DLG2: variants seen among roughly 807,000 people sequenced by gnomAD.
DLG2 encodes discs large MAGUK scaffold protein 2, also known as disks large homolog 2.
Under a neutral mutation model 132.5 loss-of-function variants are expected in DLG2, and 45 were observed. The ratio of observed to expected loss-of-function variants is 0.34; its 90% CI spans 0.27 to 0.44. The LOEUF (loss-of-function observed/expected upper bound fraction) is 0.44, where lower values mean the gene tolerates loss of function less well. Among genes scored for constraint, DLG2 ranks in the 20% least tolerant of loss-of-function variants. The pLI, the probability that DLG2 is intolerant of heterozygous loss-of-function variation, is 1.00. For missense variants in DLG2, 1,045 were observed against 1,196.9 expected, an observed-to-expected ratio of 0.87 and a Z score of 1.87; for synonymous variants, 424 against 419.6, an observed-to-expected ratio of 1.01 and a Z score of -0.13.
intron 6 of DLG2, among the ~76,000 whole-genome samples, chr11:84,830,298 G>T (rs575283472): frequency 3.1e-4 from 47 of 151,238 alleles, no homozygotes; most frequent in African/African-American, 1.1e-3. Flanking sequence ...GAATAAAAAT[G>T]TAGGGGGTCT....
At chr11:84,045,348 G>A (rs1417897239) in intron 11 of DLG2, among the ~76,000 whole-genome samples, 1 of 151,650 alleles carries the variant, frequency 6.6e-6, no homozygotes, top group Non-Finnish European at 1.5e-5. Flanking sequence ...GAATTGCTGA[G>A]TCACTACTGA....
chr11:84,180,023 C>T (rs1596766218), intron 8 of DLG2, among the ~76,000 whole-genome samples: 1 of 152,046 alleles, frequency 6.6e-6, no homozygotes, highest in Non-Finnish European at 1.5e-5. Context: ...AATGACCAGG[C>T]ATACTAAAAA....
At position 83,786,731 on chromosome 11, in the gene DLG2, G is replaced by T; in HGVS notation, c.1784C>A (p.Ala595Asp). Residue 595 changes from alanine (A) to aspartate (D), a missense_variant, in exon 18 of 28, where the codon GCT becomes GAT. Transcript: ENST00000376104. ...HEQAAAALKG[A>D]GQTVTIIAQY... ...TGCTATAATCGTCACTGTCTGTCCA[G>T]CCCCCTTTAGTGCAGCAGCTGCCTG... 1 of 1,614,112 alleles carries T rather than the reference G, an allele frequency of 6.2e-7. No individual in the cohort carries two copies. The highest frequency in any genetic ancestry group is 1.1e-5 in the South Asian group (1 of 91,076).
chr11:84,134,921 G>A (rs991911001), intron 9 of DLG2, among the ~76,000 whole-genome samples: 3 of 151,844 alleles, frequency 2.0e-5, no homozygotes, highest in African/African-American at 2.4e-5. Context: ...AGGGGTGAAG[G>A]GCAATGATCA....
At chr11:84,393,677 A>T (rs1220069485) in intron 7 of DLG2, among the ~76,000 whole-genome samples, 3 of 150,760 alleles carry the variant, frequency 2.0e-5, no homozygotes, top group African/African-American at 7.5e-5. Context: ...AATTTGCCCA[A>T]ACTGTTTTGT....
chr11:84,193,810 T>C (rs910152085), intron 8 of DLG2, among the ~76,000 whole-genome samples: 1 of 152,242 alleles, frequency 6.6e-6, no homozygotes, highest in African/African-American at 2.4e-5. Flanking sequence ...GTGTCCCTAC[T>C]GAAGCTTGTA....
chr11:85,165,019 C>A (rs534808866), intron 4 of DLG2, among the ~76,000 whole-genome samples: 2 of 152,156 alleles, frequency 1.3e-5, no homozygotes. Context: ...GTCTGTGCTT[C>A]GATGAGCTCT....
chr11:84,166,853 A>G, intron 8 of DLG2: 1 of 517,756 alleles, frequency 1.9e-6, no homozygotes. Context: ...AATATTCCCA[A>G]TCAGGTTATC....
intron 6 of DLG2, among the ~76,000 whole-genome samples, chr11:84,593,520 C>T (rs537772537): frequency 6.6e-6 from 1 of 152,192 alleles, no homozygotes; most frequent in African/African-American, 2.4e-5. Context: ...AACTGGAAAC[C>T]ATCATTCTCA....
intron 18 of DLG2, among the ~76,000 whole-genome samples, chr11:83,784,711 C>T (rs550579205): frequency 6.6e-6 from 1 of 152,298 alleles, no homozygotes; most frequent in African/African-American, 2.4e-5. Context: ...ATTGATAGAA[C>T]AGGGACATGT....
intron 7 of DLG2, among the ~76,000 whole-genome samples, chr11:84,449,769 T>A (rs552962222): frequency 1.4e-4 from 22 of 151,988 alleles, no homozygotes; most frequent in African/African-American, 4.6e-4. Context: ...AAAAGGGAAC[T>A]TATTGCCATC....
At chr11:84,854,058 A>G (rs1426762663) in intron 6 of DLG2, among the ~76,000 whole-genome samples, 1 of 152,022 alleles carries the variant, frequency 6.6e-6, no homozygotes, top group East Asian at 1.9e-4. Context: ...GACTCATAAT[A>G]CTGGGGATTA....
chr11:85,395,714 C>A (rs2087276089), intron 3 of DLG2, among the ~76,000 whole-genome samples: 1 of 105,082 alleles, frequency 9.5e-6, no homozygotes, highest in South Asian at 3.2e-4. Flanking sequence ...GGGGCGTCTG[C>A]CATTGCTGAG....
chr11:84,963,040 C>T (rs1431338480), intron 6 of DLG2, among the ~76,000 whole-genome samples: 1 of 152,134 alleles, frequency 6.6e-6, no homozygotes, highest in Non-Finnish European at 1.5e-5. Context: ...TGCAGTGGCT[C>T]CCATAATAAC....
At chr11:84,998,787 C>T (rs1408188959) in intron 6 of DLG2, among the ~76,000 whole-genome samples, 3 of 151,910 alleles carry the variant, frequency 2.0e-5, no homozygotes, top group Admixed American at 6.6e-5. Context: ...TCCAACTGCC[C>T]ACCATGTATG....
chr11:85,408,105 G>C (rs982357663), intron 3 of DLG2, among the ~76,000 whole-genome samples: 1 of 149,990 alleles, frequency 6.7e-6, no homozygotes, highest in African/African-American at 2.4e-5. Flanking sequence ...TATTTTCTGG[G>C]CACCTTTTTA....
At chr11:84,589,188 A>G (rs2099537017) in intron 6 of DLG2, among the ~76,000 whole-genome samples, 1 of 152,144 alleles carries the variant, frequency 6.6e-6, no homozygotes, top group South Asian at 2.1e-4. Flanking sequence ...TGAGTAGGGG[A>G]GGCTGCAGGA....
At chr11:84,053,466 A>G (rs989289766) in intron 11 of DLG2, among the ~76,000 whole-genome samples, 1 of 151,932 alleles carries the variant, frequency 6.6e-6, no homozygotes, top group Middle Eastern at 3.2e-3. Flanking sequence ...CTCTCATAGT[A>G]TTTTATATTA....
intron 6 of DLG2, among the ~76,000 whole-genome samples, chr11:85,018,191 A>G (rs927683286): frequency 6.6e-6 from 1 of 152,168 alleles, no homozygotes; most frequent in Non-Finnish European, 1.5e-5. Context: ...TTAATGAGCA[A>G]AAGTATAACA....
Sources: gnomAD v4.1 joint callset for allele counts (sites outside exome capture counted in the v4.1 genomes callset) on GRCh38, gnomAD v4.1.1 for gene constraint, MANE v1.5 for transcripts, NCBI Gene and HGNC (gene_info 2026-07-23, HGNC 2026-07-21) for gene names.